TXNDC5: variants seen among roughly 807,000 people sequenced by gnomAD.
TXNDC5 encodes thioredoxin domain containing 5.
Under a neutral mutation model 52.6 loss-of-function variants are expected in TXNDC5, and 44 were observed. That is an observed-to-expected ratio of 0.84 (90% CI 0.66 to 1.08). TXNDC5 has a LOEUF of 1.08. Among genes scored for constraint, TXNDC5 ranks in the 50% least tolerant of loss-of-function variants. The pLI is 0.00. For synonymous variants in TXNDC5, 241 were observed against 234.4 expected (o/e 1.03, Z -0.26); for missense variants, 600 against 565.5 (o/e 1.06, Z -0.62).
chr6:7,890,359 A>C (rs900041793), intron 5 of TXNDC5, among the ~76,000 whole-genome samples: 1 of 152,102 alleles, frequency 6.6e-6, no homozygotes, highest in African/African-American at 2.4e-5. Context: ...AAGGTGCGGA[A>C]CTGAAGTACA....
In TXNDC5 at chr6:7,906,780, A is replaced by G. The variant is rs143438494; in HGVS notation, c.264-2057T>C. Among the ~76,000 whole-genome samples the G allele has an allele frequency of 1.9e-3, 292 of 151,968 alleles. 1 individual carries two copies. The highest frequency in any genetic ancestry group is 3.0e-3 in the Non-Finnish European group (206 of 67,952). On this transcript the variant is annotated intron_variant, in intron 1 of 9. Coordinates refer to ENST00000379757, the MANE Select transcript of TXNDC5 (RefSeq NM_030810.5). ...AGGAAACAAGAAAAAAAAAAAGGCA[A>G]TTCCCACAGAACCCTGAAGTGTGTG...
chr6:7,891,614 C>T lies in TXNDC5; in HGVS notation c.732+7G>A. The T allele has an allele frequency of 1.9e-6, 3 of 1,612,068 alleles. No individual in the cohort carries two copies. The highest frequency in any genetic ancestry group is 2.5e-6 in the Non-Finnish European group (3 of 1,178,402). On this transcript the variant is annotated splice_region_variant and intron_variant, in intron 5 of 9. Transcript: ENST00000379757. ...CCATTTCCAGTTTAATAAGGGCTTT[C>T]ACTCACCTTGCCAATCTTGACAGTT...
At chr6:7,889,612 C>A in intron 5 of TXNDC5, 31 bp from the exon 6 acceptor site, 1 of 1,564,422 alleles carries the variant, frequency 6.4e-7, no homozygotes, top group South Asian at 1.1e-5. Flanking sequence ...ACTTCCCAGT[C>A]AGTTTCTTCA....
Position 7,904,716 on chromosome 6 carries a change from G to T in TXNDC5, c.271C>A (p.His91Asn). ...CAAGTCGGCTGCAGCCGCTGGCAGT[G>T]TCCACACCTGGAACAAGGCAAGAGT... ...FVMFFAPWCG[H>N]CQRLQPTWND... is the part of the protein sequence containing the mutation. The change falls in exon 2 of 10, where the codon CAC becomes AAC. Residue 91 changes from histidine (H) to asparagine (N), a missense_variant. His to Asn is a moderately conservative substitution (Grantham distance 68). Transcript: ENST00000379757. The T allele has an allele frequency of 4.3e-6, 7 of 1,614,206 alleles. No individual in the cohort carries two copies. The highest frequency in any genetic ancestry group is 5.9e-6 in the Non-Finnish European group (7 of 1,180,048).
intron 1 of TXNDC5, among the ~76,000 whole-genome samples, chr6:7,907,685 C>T (rs928447323): frequency 1.3e-5 from 2 of 152,184 alleles, no homozygotes; most frequent in South Asian, 2.1e-4. Context: ...GAGCTCCAAA[C>T]GCTCAGCTCA....
At chr6:7,908,879 C>G (rs1375553719) in intron 1 of TXNDC5, among the ~76,000 whole-genome samples, 1 of 152,120 alleles carries the variant, frequency 6.6e-6, no homozygotes, top group East Asian at 1.9e-4. Context: ...GAAAACCCAT[C>G]GACAGATGTA....
intron 3 of TXNDC5, among the ~76,000 whole-genome samples, chr6:7,897,270 A>G (rs1412358050): frequency 6.6e-6 from 1 of 152,248 alleles, no homozygotes; most frequent in Admixed American, 6.5e-5. Context: ...CAAAAATTGC[A>G]GTAGAATGTA....
Position 7,882,482 on chromosome 6 carries a change from C to CGACACATAAAGTTATGGCATCAGCATTCT in TXNDC5, c.*633_*661dup, listed in dbSNP as rs1295634592. Reference sequence around the variant, plus strand: ...GAACAGTAACTGATTTGACAAGTATCGACACATAAAGTTATGGCATCAGCA... The same window carrying CGACACATAAAGTTATGGCATCAGCATTCT: ...GAACAGTAACTGATTTGACAAGTATCGACACATAAAGTTATGGCATCAGCATTCTGACACATAAAGTTATGGCATCAGCA... On this transcript the variant is annotated 3_prime_UTR_variant, in exon 10 of 10. Transcript: ENST00000379757. The CGACACATAAAGTTATGGCATCAGCATTCT allele has an allele frequency of 2.0e-5, 3 of 152,266 alleles. No homozygotes were observed. The highest frequency in any genetic ancestry group is 7.2e-5 in the African/African-American group (3 of 41,442). The allele number at this position is 152,266 out of a possible 1,614,324, so 9.4% of individuals were successfully genotyped here.
intron 8 of TXNDC5, 62 bp from the exon 9 acceptor site, chr6:7,884,550 T>C (rs949634819): frequency 9.3e-6 from 15 of 1,607,188 alleles, no homozygotes; most frequent in Admixed American, 6.7e-5. Context: ...ACCTACACTC[T>C]GCTGCCAAGA....
At chr6:7,887,395 G>C (rs1229147426) in intron 7 of TXNDC5, among the ~76,000 whole-genome samples, 1 of 152,146 alleles carries the variant, frequency 6.6e-6, no homozygotes, top group Non-Finnish European at 1.5e-5. Context: ...TCAACACCTT[G>C]AAAACCAAGC....
intron 2 of TXNDC5, among the ~76,000 whole-genome samples, chr6:7,900,648 G>T (rs1760534958): frequency 6.6e-6 from 1 of 152,180 alleles, no homozygotes; most frequent in Non-Finnish European, 1.5e-5. Flanking sequence ...ACCACAGATT[G>T]GGTGTCTTAG....
At chr6:7,895,894 G>A (rs544197887) in intron 3 of TXNDC5, among the ~76,000 whole-genome samples, 1 of 152,348 alleles carries the variant, frequency 6.6e-6, no homozygotes, top group African/African-American at 2.4e-5. Flanking sequence ...TTGGGAGGCT[G>A]AGGTGGGAGG....
intron 8 of TXNDC5, among the ~76,000 whole-genome samples, chr6:7,885,032 C>T (rs1320192244): frequency 6.6e-6 from 1 of 152,166 alleles, no homozygotes; most frequent in Non-Finnish European, 1.5e-5. Flanking sequence ...CCCCTCCTGC[C>T]GTATGGATGG....
At chr6:7,899,424 C>T (rs383084) in intron 3 of TXNDC5, 152 bp downstream of exon 3, 230,660 of 513,440 alleles carry the variant, frequency 0.45, 58,578 homozygotes, top group East Asian at 0.79. Flanking sequence ...ACCTGTAATA[C>T]CAATAAGCTC....
At chr6:7,901,558 C>G (rs1229197853) in intron 2 of TXNDC5, among the ~76,000 whole-genome samples, 1 of 152,154 alleles carries the variant, frequency 6.6e-6, no homozygotes. Context: ...GAGATTCTTC[C>G]TCGGTAAGTT....
At chr6:7,905,913 A>T (rs1176219240) in intron 1 of TXNDC5, among the ~76,000 whole-genome samples, 1 of 152,074 alleles carries the variant, frequency 6.6e-6, no homozygotes, top group East Asian at 1.9e-4. Flanking sequence ...AATCTGTTAA[A>T]TCTCCTTTTA....
At position 7,910,603 on chromosome 6, in the gene TXNDC5, C is replaced by T; in HGVS notation, c.174G>A (p.Gln58=). The change falls in exon 1 of 10, where the codon CAG becomes CAA. Residue 58 remains glutamine (Q), a synonymous_variant. Transcript: ENST00000379757. ...TGTACAGGTGCTTGCTGTGCGGGTC[C>T]TGTCCGTCCTCGCCGTCTGCCGCGG... is the stretch of plus-strand genomic sequence containing the variant. The part of the protein sequence containing the change: ...GPPAADGEDG[Q]DPHSKHLYTA... The T allele has an allele frequency of 7.3e-7, 1 of 1,367,928 alleles. No homozygotes were observed. Among genetic ancestry groups the T allele is most frequent in the Non-Finnish European group, 9.6e-7 (1 of 1,040,450 alleles). The allele number at this position is 1,367,928 out of a possible 1,614,324, so 84.7% of individuals were successfully genotyped here.
chr6:7,888,942 C>A lies in TXNDC5; in HGVS notation c.820-94G>T, dbSNP rs560526338. 6.8e-6 allele frequency: 10 copies of A among 1,472,580 alleles called. No individual in the cohort carries two copies. The South Asian group carries it at 1.3e-4, about 20-fold the overall frequency. The allele number at this position is 1,472,580 out of a possible 1,614,324, so 91.2% of individuals were successfully genotyped here. ...CAACCCCTGCTTGCCCGGGTCAGAG[C>A]TCCCAGATGTCTTAGCGGTGGTGCA... On this transcript the variant is annotated intron_variant, in intron 6 of 9. Transcript: ENST00000379757.
At position 7,882,986 on chromosome 6, in the gene TXNDC5, G is replaced by T; in HGVS notation, c.*158C>A. On this transcript the variant is annotated 3_prime_UTR_variant, in exon 10 of 10. Coordinates refer to ENST00000379757, the MANE Select transcript of TXNDC5 (RefSeq NM_030810.5). ...ACTTAATAAAGAATCTGTAGAGTGT[G>T]TTGGCTTGGAAAACACACACACAAA... 1 of 914,612 alleles carries T rather than the reference G, an allele frequency of 1.1e-6. No individual in the cohort carries two copies. The highest frequency in any genetic ancestry group is 1.6e-6 in the Non-Finnish European group (1 of 619,294). 56.7% of individuals were successfully genotyped at this position (914,612 alleles called of 1,614,324 possible).
Sources: allele counts gnomAD v4.1 joint callset (sites outside exome capture counted in the v4.1 genomes callset), GRCh38; gene constraint gnomAD v4.1.1; transcripts MANE v1.5; gene names NCBI Gene and HGNC (gene_info 2026-07-23, HGNC 2026-07-21).